Variants in RYR3 observed in about 807,000 individuals in gnomAD.
RYR3 encodes ryanodine receptor 3, also known as brain ryanodine receptor-calcium release channel.
Under a neutral mutation model 584.3 loss-of-function variants are expected in RYR3, and 207 were observed. The ratio of observed to expected loss-of-function variants is 0.35; its 90% CI spans 0.32 to 0.40. The LOEUF is 0.40. Among genes scored for constraint, RYR3 ranks in the 10% least tolerant of loss-of-function variants. The pLI, the probability that RYR3 is intolerant of heterozygous loss-of-function variation, is 1.00. For synonymous variants in RYR3, 2,416 were observed against 2,248.5 expected (o/e 1.07, Z -2.11); for missense variants, 5,616 against 6,089.2 (o/e 0.92, Z 2.59).
intron 29 of RYR3, among the ~76,000 whole-genome samples, chr15:33,647,125 T>G (rs572582647): frequency 3.9e-5 from 6 of 152,368 alleles, no homozygotes; most frequent in African/African-American, 1.4e-4. Context: ...CTTGTGAGAA[T>G]AGGATAACCT....
At chr15:33,386,137 G>T (rs1163379255) in intron 1 of RYR3, among the ~76,000 whole-genome samples, 1 of 152,116 alleles carries the variant, frequency 6.6e-6, no homozygotes, top group Non-Finnish European at 1.5e-5. Context: ...TCTTAAGGTG[G>T]TAGCATTTCT....
intron 59 of RYR3, 38 bp downstream of exon 59, chr15:33,756,411 T>A: frequency 1.6e-5 from 22 of 1,418,964 alleles, no homozygotes; most frequent in Non-Finnish European, 2.1e-5. Context: ...ACTTTCTTCT[T>A]AGGATCTCTA....
chr15:33,652,543 G>A (rs1258172431), intron 31 of RYR3, among the ~76,000 whole-genome samples, 175 bp from the exon 32 acceptor site: 1 of 152,170 alleles, frequency 6.6e-6, no homozygotes, highest in African/African-American at 2.4e-5. Context: ...TTGTGTCTGA[G>A]TAAATTGGAT....
chr15:33,667,648 A>G (rs2063559478), intron 36 of RYR3, among the ~76,000 whole-genome samples: 1 of 152,206 alleles, frequency 6.6e-6, no homozygotes, highest in Admixed American at 6.5e-5. Context: ...GTATTACAGT[A>G]TAATTATTTC....
At chr15:33,481,428 A>G (rs1057488210) in intron 2 of RYR3, among the ~76,000 whole-genome samples, 3 of 151,738 alleles carry the variant, frequency 2.0e-5, no homozygotes, top group Non-Finnish European at 4.4e-5. Flanking sequence ...ATGACATTTT[A>G]TCTTCTCTGT....
chr15:33,720,109 A>T (rs1341799004), intron 43 of RYR3, among the ~76,000 whole-genome samples: 1 of 152,222 alleles, frequency 6.6e-6, no homozygotes, highest in Non-Finnish European at 1.5e-5. Context: ...GTTTAAATTC[A>T]GTCTAATAAA....
Position 33,421,503 on chromosome 15 carries a change from A to C in RYR3, c.52-51916A>C, listed in dbSNP as rs370622529. On this transcript the variant is annotated intron_variant, in intron 1 of 103. Transcript: ENST00000634891. ...TGAGAATCGGATGTGGACAATAAAA[A>C]GGCGAAGGAAGCCTCTAGGATGATG... 2.6e-5 allele frequency among the ~76,000 whole-genome samples: 4 copies of C among 152,284 alleles called. No homozygotes were observed. The South Asian group carries it at 8.3e-4, about 32-fold the overall frequency.
chr15:33,401,346 G>A (rs914899762), intron 1 of RYR3, among the ~76,000 whole-genome samples: 2 of 152,146 alleles, frequency 1.3e-5, no homozygotes, highest in East Asian at 1.9e-4. Flanking sequence ...TGGTCAGGCT[G>A]GGTGGTAACC....
At chr15:33,330,197 T>C (rs1218325739) in intron 1 of RYR3, among the ~76,000 whole-genome samples, 1 of 152,188 alleles carries the variant, frequency 6.6e-6, no homozygotes, top group Non-Finnish European at 1.5e-5. Flanking sequence ...GTACATGTTC[T>C]TTGTCCCAAA....
intron 1 of RYR3, among the ~76,000 whole-genome samples, chr15:33,346,984 C>A (rs937557244): frequency 7.2e-5 from 11 of 152,100 alleles, no homozygotes; most frequent in Non-Finnish European, 1.3e-4. Flanking sequence ...GACAGACATG[C>A]ATCTGGTGTT....
intron 100 of RYR3, 48 bp from the exon 101 acceptor site, chr15:33,860,547 C>A: frequency 4.3e-6 from 5 of 1,169,720 alleles, no homozygotes; most frequent in Non-Finnish European, 6.0e-6. Context: ...ATTCCTCTAC[C>A]CCTGAACCAC....
rs139960982 is a variant in RYR3, at chr15:33,735,555, C to G, written c.7425-680C>G. On this transcript the variant is annotated intron_variant, in intron 48 of 103. Transcript: ENST00000634891. ...TGTGTACACCTTTCTCTGGAGAAAA[C>G]CATAGGTTCCACTAGGTTTTTTTTA... is the stretch of plus-strand genomic sequence containing the variant. 9.5e-3 allele frequency among the ~76,000 whole-genome samples: 1,445 copies of G among 152,230 alleles called. 6 individuals carry two copies. The highest frequency in any genetic ancestry group is 0.016 in the African/African-American group (673 of 41,526).
At chr15:33,583,210 C>T (rs569495734) in intron 14 of RYR3, among the ~76,000 whole-genome samples, 1 of 152,108 alleles carries the variant, frequency 6.6e-6, no homozygotes, top group Non-Finnish European at 1.5e-5. Context: ...TGATGCTGAT[C>T]CAGGGACCAT....
chr15:33,594,233 C>G (rs777948495), intron 16 of RYR3, among the ~76,000 whole-genome samples: 3 of 152,166 alleles, frequency 2.0e-5, no homozygotes, highest in Non-Finnish European at 2.9e-5. Context: ...CACACCATTC[C>G]AGTCAAAGCC....
intron 38 of RYR3, among the ~76,000 whole-genome samples, chr15:33,673,742 A>G (rs915195704): frequency 6.6e-6 from 1 of 152,258 alleles, no homozygotes; most frequent in African/African-American, 2.4e-5. Flanking sequence ...ACAGATTAAA[A>G]TTCGGTAAAT....
chr15:33,663,787 A>G (rs375436810), intron 36 of RYR3, 50 bp downstream of exon 36: 1 of 1,492,556 alleles, frequency 6.7e-7, no homozygotes. Context: ...AGAACTTGAG[A>G]CCTATGGAAC....
intron 52 of RYR3, among the ~76,000 whole-genome samples, chr15:33,743,510 T>A (rs2070378570): frequency 6.6e-6 from 1 of 152,176 alleles, no homozygotes; most frequent in African/African-American, 2.4e-5. Flanking sequence ...GGTGGCCAGC[T>A]AGATTTGGCT....
intron 59 of RYR3, 112 bp from the exon 60 acceptor site, chr15:33,757,363 A>G: frequency 8.5e-7 from 1 of 1,183,024 alleles, no homozygotes; most frequent in Non-Finnish European, 1.2e-6. Flanking sequence ...CCTGGAAATT[A>G]CAGGACCAGG....
At chr15:33,693,618 A>G (rs1294204254) in intron 38 of RYR3, among the ~76,000 whole-genome samples, 2 of 152,234 alleles carry the variant, frequency 1.3e-5, no homozygotes, top group African/African-American at 4.8e-5. Context: ...TGCCAGGGGA[A>G]AGATCTCTGT....
Sources: allele counts gnomAD v4.1 joint callset (sites outside exome capture counted in the v4.1 genomes callset), GRCh38; gene constraint gnomAD v4.1.1; transcripts MANE v1.5; gene names NCBI Gene and HGNC (gene_info 2026-07-23, HGNC 2026-07-21).